LRRC4C: variants seen among roughly 807,000 people sequenced by gnomAD.
LRRC4C encodes the protein leucine-rich repeat-containing protein 4C.
In LRRC4C, 5 loss-of-function variants were observed where a neutral mutation model predicts 33.6. That is an observed-to-expected ratio of 0.15 (90% CI 0.08 to 0.31). The LOEUF (loss-of-function observed/expected upper bound fraction) is 0.31. Among genes scored for constraint, LRRC4C ranks in the 10% least tolerant of loss-of-function variants. The pLI is 1.00. For missense variants in LRRC4C, 560 were observed against 796.7 expected (o/e 0.70, Z 3.58); for synonymous variants, 329 against 302.0 (o/e 1.09, Z -0.93).
chr11:40,299,391 C>T (rs532383573), intron 4 of LRRC4C, among the ~76,000 whole-genome samples: 1 of 152,274 alleles, frequency 6.6e-6, no homozygotes, highest in East Asian at 1.9e-4. Context: ...CTCTGCCACT[C>T]ACCTTTCTTG....
chr11:40,175,589 C>T (rs1329462990), intron 5 of LRRC4C, among the ~76,000 whole-genome samples: 2 of 152,188 alleles, frequency 1.3e-5, no homozygotes, highest in African/African-American at 4.8e-5. Flanking sequence ...GGCAGTTCCT[C>T]ATGATCTGGA....
intron 1 of LRRC4C, among the ~76,000 whole-genome samples, chr11:41,366,956 T>C (rs1952566790): frequency 6.6e-6 from 1 of 152,142 alleles, no homozygotes; most frequent in Non-Finnish European, 1.5e-5. Flanking sequence ...TTAGGGATGA[T>C]GTTAATAGAG....
In LRRC4C at chr11:40,342,087, T is replaced by A. The variant is rs373796583; in HGVS notation, c.-269-22366A>T. ...CATATGGTTGTCAAATTCAAGAGTA[T>A]TATTATGAAAAATTAAACATCTCCA... On this transcript the variant is annotated intron_variant, in intron 3 of 6. Transcript: ENST00000528697. Among the ~76,000 whole-genome samples, 47 of 152,170 alleles carry A rather than the reference T, an allele frequency of 3.1e-4. 2 individuals carry two copies. The highest frequency in any genetic ancestry group is 1.1e-3 in the African/African-American group (44 of 41,532).
intron 1 of LRRC4C, among the ~76,000 whole-genome samples, chr11:41,012,382 T>C (rs1855264763): frequency 6.6e-6 from 1 of 152,152 alleles, no homozygotes; most frequent in African/African-American, 2.4e-5. Context: ...TGATATCCAG[T>C]TCCATCCATG....
intron 5 of LRRC4C, among the ~76,000 whole-genome samples, chr11:40,203,410 A>T (rs1862913333): frequency 6.6e-6 from 1 of 152,184 alleles, no homozygotes; most frequent in African/African-American, 2.4e-5. Context: ...AACAAGCATA[A>T]AACAGGCTTT....
Position 41,423,575 on chromosome 11 carries a change from G to A in LRRC4C, c.-496+35856C>T, listed in dbSNP as rs1279076177. Among the ~76,000 whole-genome samples, 5 of 152,134 alleles carry A rather than the reference G, an allele frequency of 3.3e-5. No individual in the cohort carries two copies. In the East Asian group the frequency reaches 9.7e-4, roughly 29 times the overall value. ...ATGATGTCTGAGAAAGATTATTCTG[G>A]AGACATCATAGACGACAGATGGTTT... On this transcript the variant is annotated intron_variant, in intron 1 of 6. Coordinates refer to ENST00000528697, the MANE Select transcript of LRRC4C (RefSeq NM_001258419.2).
At chr11:40,620,971 A>G (rs1390172) in intron 3 of LRRC4C, among the ~76,000 whole-genome samples, 151,301 of 151,810 alleles carry the variant, frequency 1, 75,399 homozygotes, top group Middle Eastern at 1. Context: ...CAGGCCTACA[A>G]GCTTGTTTTT....
chr11:40,754,698 A>T (rs886609502), intron 2 of LRRC4C, among the ~76,000 whole-genome samples: 3 of 152,112 alleles, frequency 2.0e-5, no homozygotes, highest in Non-Finnish European at 4.4e-5. Flanking sequence ...ACAAAGCAGT[A>T]TCTTAAGAGT....
At chr11:40,758,068 G>T (rs1949032810) in intron 2 of LRRC4C, among the ~76,000 whole-genome samples, 1 of 151,978 alleles carries the variant, frequency 6.6e-6, no homozygotes, top group Admixed American at 6.6e-5. Context: ...TTATGTTGAG[G>T]AATATATCTC....
intron 5 of LRRC4C, among the ~76,000 whole-genome samples, chr11:40,167,379 C>T (rs1402740126): frequency 6.6e-6 from 1 of 152,036 alleles, no homozygotes; most frequent in African/African-American, 2.4e-5. Context: ...TAATTAATAG[C>T]TATATTTATA....
At chr11:40,786,015 G>T (rs1950399784) in intron 2 of LRRC4C, among the ~76,000 whole-genome samples, 1 of 151,944 alleles carries the variant, frequency 6.6e-6, no homozygotes, top group South Asian at 2.1e-4. Flanking sequence ...CATGAAAATT[G>T]GTGTCCTATT....
At chr11:41,329,695 T>C (rs1951232759) in intron 1 of LRRC4C, among the ~76,000 whole-genome samples, 2 of 152,242 alleles carry the variant, frequency 1.3e-5, no homozygotes, top group Non-Finnish European at 2.9e-5. Flanking sequence ...TCTCTCATTA[T>C]GTCCACTTAA....
rs193004002 is a variant in LRRC4C, at chr11:40,569,665, T to C, written c.-270+78477A>G. Among the ~76,000 whole-genome samples the C allele has an allele frequency of 1.7e-3, 260 of 152,258 alleles. 3 individuals carry two copies. Among genetic ancestry groups the C allele is most frequent in the African/African-American group, 6.2e-3 (256 of 41,558 alleles). Reference sequence around the variant, plus strand: ...TCTACAGGGAAGTTTGATGATTAAATGATATCATACATATAAATCATCTTC... The same window carrying C: ...TCTACAGGGAAGTTTGATGATTAAACGATATCATACATATAAATCATCTTC... On this transcript the variant is annotated intron_variant, in intron 3 of 6. Transcript: ENST00000528697.
intron 1 of LRRC4C, among the ~76,000 whole-genome samples, chr11:41,328,374 GT>G: frequency 6.6e-6 from 1 of 152,186 alleles, no homozygotes. Context: ...TTTGTTTTGA[GT>G]TTTATTTAGA....
At chr11:40,276,717 G>GTGTT (rs1943130922) in intron 4 of LRRC4C, among the ~76,000 whole-genome samples, 1 of 149,116 alleles carries the variant, frequency 6.7e-6, no homozygotes, top group African/African-American at 2.5e-5. Flanking sequence ...GTGTGTGTGT[G>GTGTT]TGTGTATGTC....
chr11:41,149,408 GA>G (rs1943885075), intron 1 of LRRC4C, among the ~76,000 whole-genome samples: 1 of 151,162 alleles, frequency 6.6e-6, no homozygotes, highest in Non-Finnish European at 1.5e-5. Context: ...TTGGGAGGCT[GA>G]GGCAGGAGAA....
In LRRC4C at chr11:41,043,068, C is replaced by CTT. The variant is rs67605827; in HGVS notation, c.-495-109347_-495-109346dup. Among the ~76,000 whole-genome samples, 128 of 75,772 alleles carry CTT rather than the reference C, an allele frequency of 1.7e-3. 1 individual carries two copies. Among genetic ancestry groups the CTT allele is most frequent in the East Asian group, 6.3e-3 (12 of 1,896 alleles). The allele number at this position is 75,772 out of a possible 152,430, so 49.7% of individuals were successfully genotyped here. On this transcript the variant is annotated intron_variant, in intron 1 of 6. Transcript: ENST00000528697. ...TCCAAAATGATTATACAGAATAGAC[C>CTT]TTTTTTTTTTTTTTTTTTTTTTTTG... is the stretch of plus-strand genomic sequence containing the variant.
At chr11:41,314,752 C>G (rs974025193) in intron 1 of LRRC4C, among the ~76,000 whole-genome samples, 2 of 151,646 alleles carry the variant, frequency 1.3e-5, no homozygotes, top group South Asian at 4.2e-4. Context: ...ACCTATGTAT[C>G]AAAGCTACAT....
intron 5 of LRRC4C, among the ~76,000 whole-genome samples, chr11:40,195,743 CAA>C (rs34365679): frequency 4.9e-4 from 69 of 141,830 alleles, no homozygotes; most frequent in South Asian, 1.1e-3. Context: ...AGGTGATTGT[CAA>C]AAAAAAAAAA....
Sources: allele counts gnomAD v4.1 joint callset (sites outside exome capture counted in the v4.1 genomes callset), GRCh38; gene constraint gnomAD v4.1.1; transcripts MANE v1.5; gene names NCBI Gene and HGNC (gene_info 2026-07-23, HGNC 2026-07-21).